DENND11: variants seen among roughly 807,000 people sequenced by gnomAD.
DENND11 encodes the protein DENN domain containing 11.
Under a neutral mutation model 49.2 loss-of-function variants are expected in DENND11, and 34 were observed. The ratio of observed to expected loss-of-function variants is 0.69; its 90% CI spans 0.53 to 0.92. The LOEUF is 0.92. Among genes scored for constraint, DENND11 ranks in the 40% least tolerant of loss-of-function variants. The probability of loss-of-function intolerance (pLI) is 0.00; values close to 1 mark genes in which losing one functional copy is unlikely to be tolerated. For missense variants in DENND11, 475 were observed against 581.6 expected (o/e 0.82, Z 1.88); for synonymous variants, 238 against 230.3 (o/e 1.03, Z -0.30).
At chr7:141,682,423 T>C (rs773077765) in intron 3 of DENND11, among the ~76,000 whole-genome samples, 5 of 152,202 alleles carry the variant, frequency 3.3e-5, no homozygotes, top group Admixed American at 1.3e-4. Flanking sequence ...ACCCACCTAG[T>C]AGTGATGCTT....
chr7:141,686,771 C>T, intron 1 of DENND11, 113 bp from the exon 2 acceptor site: 1 of 703,522 alleles, frequency 1.4e-6, no homozygotes, highest in South Asian at 1.7e-5. Flanking sequence ...GACTCAGCCT[C>T]AGACAGACCA....
chr7:141,665,351 C>G (rs1295729640), intron 5 of DENND11, 33 bp from the exon 6 acceptor site: 1 of 1,612,644 alleles, frequency 6.2e-7, no homozygotes, highest in Non-Finnish European at 8.5e-7. Flanking sequence ...CGGGGAGGGT[C>G]TGCCCCTCCA....
At chr7:141,668,423 A>G (rs538859216) in intron 4 of DENND11, among the ~76,000 whole-genome samples, 1 of 152,218 alleles carries the variant, frequency 6.6e-6, no homozygotes, top group African/African-American at 2.4e-5. Flanking sequence ...CATCTCTACT[A>G]AAAATACAAA....
intron 1 of DENND11, among the ~76,000 whole-genome samples, chr7:141,699,415 TATAAA>T (rs1389397301): frequency 1.3e-5 from 2 of 152,126 alleles, no homozygotes; most frequent in African/African-American, 2.4e-5. Flanking sequence ...TTAAGATATA[TATAAA>T]ATAAAATTAT....
At position 141,688,763 on chromosome 7, in the gene DENND11, G is replaced by A. The variant is rs569240725; in HGVS notation, c.269-2105C>T. ...CTAGGGAGCTTTAAAAGGTGCCAGG[G>A]GCTACCCTAGGTCTATAGAATCACC... is the stretch of plus-strand genomic sequence containing the variant. On this transcript the variant is annotated intron_variant, in intron 1 of 8. Transcript: ENST00000536163. 4.6e-5 allele frequency among the ~76,000 whole-genome samples: 7 copies of A among 152,160 alleles called. No homozygotes were observed. In the East Asian group the frequency reaches 7.7e-4, roughly 17 times the overall value.
intron 4 of DENND11, among the ~76,000 whole-genome samples, chr7:141,668,541 A>C (rs12155463): frequency 2.3e-4 from 35 of 152,270 alleles, no homozygotes; most frequent in Admixed American, 7.2e-4. Context: ...AGTTGAGATC[A>C]CACCACTGCC....
chr7:141,691,369 A>G (rs1798324859), intron 1 of DENND11, among the ~76,000 whole-genome samples: 1 of 152,244 alleles, frequency 6.6e-6, no homozygotes, highest in South Asian at 2.1e-4. Flanking sequence ...CATGAAAAAG[A>G]AATAGACTCC....
intron 4 of DENND11, among the ~76,000 whole-genome samples, chr7:141,670,021 A>G (rs1363848166): frequency 1.0e-4 from 15 of 150,682 alleles, no homozygotes; most frequent in Admixed American, 2.6e-4. Flanking sequence ...CGTGTTAGCC[A>G]GGATGGTCTC....
chr7:141,693,253 T>C (rs768099892), intron 1 of DENND11, among the ~76,000 whole-genome samples: 6 of 152,218 alleles, frequency 3.9e-5, no homozygotes, highest in Non-Finnish European at 7.3e-5. Context: ...TGACATGATG[T>C]TGACTATTTT....
chr7:141,685,606 C>T lies in DENND11; in HGVS notation c.399G>A (p.Leu133=), dbSNP rs1272859689. The T allele has an allele frequency of 6.2e-7, 1 of 1,613,998 alleles. No individual in the cohort carries two copies. The highest frequency in any genetic ancestry group is 1.7e-5 in the Admixed American group (1 of 60,026). Residue 133 remains leucine (L), a synonymous_variant, in exon 3 of 9, where the codon CTG becomes CTA. Transcript: ENST00000536163. ...CCACGGGCATGTTGGCAAAGCAGGC[C>T]AGGCCGAAGAAGGGCCCCTTTCGGA... is the stretch of plus-strand genomic sequence containing the variant. The part of the protein sequence containing the change: ...IYFRKGPFFG[L]ACFANMPVES...
Position 141,666,444 on chromosome 7 carries a change from A to T in DENND11, c.682-19T>A. ...GTGTGATCTGAAAAAATTGAGGGGA[A>T]TAGGGAGGAGAAAGAGTGAGGAACA... On this transcript the variant is annotated intron_variant, in intron 4 of 8. Coordinates refer to ENST00000536163, the MANE Select transcript of DENND11 (RefSeq NM_001080392.2). 6.4e-7 allele frequency: 1 copy of T among 1,566,378 alleles called. No homozygotes were observed. The highest frequency in any genetic ancestry group is 8.7e-7 in the Non-Finnish European group (1 of 1,148,172).
chr7:141,663,878 G>C, intron 8 of DENND11: 1 of 393,198 alleles, frequency 2.5e-6, no homozygotes, highest in Non-Finnish European at 4.6e-6. Flanking sequence ...AGTCCTGAGG[G>C]ACAGACAGAG....
At chr7:141,687,711 T>A (rs1029493562) in intron 1 of DENND11, among the ~76,000 whole-genome samples, 1 of 149,232 alleles carries the variant, frequency 6.7e-6, no homozygotes, top group Non-Finnish European at 1.5e-5. Flanking sequence ...CTCGGCTCAA[T>A]GCAAGCTCCG....
chr7:141,689,970 C>T (rs940956384), intron 1 of DENND11, among the ~76,000 whole-genome samples: 17 of 152,226 alleles, frequency 1.1e-4, no homozygotes, highest in African/African-American at 4.1e-4. Context: ...TGTAAACAAT[C>T]CTGTATTTGC....
chr7:141,671,487 T>C (rs911436683), intron 4 of DENND11, among the ~76,000 whole-genome samples: 3 of 152,214 alleles, frequency 2.0e-5, no homozygotes, highest in Non-Finnish European at 4.4e-5. Context: ...GTTTTTTATT[T>C]TGATGTGCTG....
chr7:141,665,443 G>A (rs904073911), intron 5 of DENND11, 125 bp from the exon 6 acceptor site: 18 of 1,328,196 alleles, frequency 1.4e-5, no homozygotes, highest in East Asian at 2.5e-5. Flanking sequence ...TGGTCCTGGC[G>A]TTCTGAGGAG....
chr7:141,669,182 A>AT (rs1366960688), intron 4 of DENND11, among the ~76,000 whole-genome samples: 3 of 137,074 alleles, frequency 2.2e-5, no homozygotes, highest in East Asian at 2.2e-4. Context: ...TTTCCAGTTT[A>AT]TTTTTTTCCC....
chr7:141,666,345 TAAGGCA>T lies in DENND11; in HGVS notation c.756_761del (p.Phe252_Ala253del). ...AAAATATCAAAATGCGCTTTCGAAG[TAAGGCA>T]AATTTCCAGAGGATGAGGATCTGTT... On this transcript the variant is annotated inframe_deletion, in exon 5 of 9. Coordinates refer to ENST00000536163, the MANE Select transcript of DENND11 (RefSeq NM_001080392.2). The T allele has an allele frequency of 6.2e-7, 1 of 1,613,358 alleles. No homozygotes were observed. The highest frequency in any genetic ancestry group is 8.5e-7 in the Non-Finnish European group (1 of 1,179,528).
At chr7:141,691,823 T>C (rs1487192722) in intron 1 of DENND11, among the ~76,000 whole-genome samples, 3 of 152,056 alleles carry the variant, frequency 2.0e-5, no homozygotes, top group Non-Finnish European at 4.4e-5. Flanking sequence ...TCTGCAGGAG[T>C]CTGTTAACTT....
Sources: gnomAD v4.1 joint callset for allele counts (sites outside exome capture counted in the v4.1 genomes callset) on GRCh38, gnomAD v4.1.1 for gene constraint, MANE v1.5 for transcripts, NCBI Gene and HGNC (gene_info 2026-07-23, HGNC 2026-07-21) for gene names.